The following TLE4 variants were observed in gnomAD, a reference collection of about 807,000 sequenced individuals.
TLE4 encodes transducin-like enhancer protein 4.
In TLE4, 8 loss-of-function variants were observed where a neutral mutation model predicts 92.8. That is an observed-to-expected ratio of 0.09 (90% CI 0.05 to 0.16). The LOEUF (loss-of-function observed/expected upper bound fraction) is 0.16. Among genes scored for constraint, TLE4 ranks in the 10% least tolerant of loss-of-function variants. The pLI is 1.00. For synonymous variants in TLE4, 371 were observed against 374.1 expected, an observed-to-expected ratio of 0.99 and a Z score of 0.10; for missense variants, 675 against 997.6, an observed-to-expected ratio of 0.68 and a Z score of 4.36.
chr9:79,721,702 A>C, intron 16 of TLE4, 39 bp from the exon 17 acceptor site: 1 of 1,613,218 alleles, frequency 6.2e-7, no homozygotes, highest in Non-Finnish European at 8.5e-7. Flanking sequence ...ACTAAAAGCT[A>C]ACTTTTCAAG....
intron 10 of TLE4, among the ~76,000 whole-genome samples, 153 bp downstream of exon 10, chr9:79,706,095 A>G (rs923730212): frequency 6.6e-6 from 1 of 152,140 alleles, no homozygotes; most frequent in Non-Finnish European, 1.5e-5. Context: ...CCCTGGCTAG[A>G]GTACAGTATT....
intron 14 of TLE4, among the ~76,000 whole-genome samples, chr9:79,715,358 T>C (rs2074276831): frequency 1.3e-5 from 2 of 152,148 alleles, no homozygotes; most frequent in South Asian, 4.1e-4. Flanking sequence ...TTAGCCTTTT[T>C]CTCGGCCATC....
intron 8 of TLE4, among the ~76,000 whole-genome samples, chr9:79,669,072 C>T (rs1290436547): frequency 6.6e-6 from 1 of 152,144 alleles, no homozygotes; most frequent in African/African-American, 2.4e-5. Context: ...TTCCCTATCA[C>T]AAACCAAAAT....
intron 8 of TLE4, among the ~76,000 whole-genome samples, chr9:79,693,463 A>G (rs1227464941): frequency 6.6e-6 from 1 of 152,150 alleles, no homozygotes; most frequent in Non-Finnish European, 1.5e-5. Context: ...GCTCCTGGAT[A>G]CTTGCTTGTA....
At position 79,601,856 on chromosome 9, in the gene TLE4, C is replaced by T. The variant is rs537798115; in HGVS notation, c.253-10800C>T. 1.3e-4 allele frequency among the ~76,000 whole-genome samples: 20 copies of T among 152,242 alleles called. No individual in the cohort carries two copies. The East Asian group carries it at 3.9e-3, about 29-fold the overall frequency. The stretch of plus-strand genomic sequence containing the variant: ...ATTAACCTTAGAGTGGAAGGCATGT[C>T]GAAAGCCAATGAGCCAAAAGCTAGG... On this transcript the variant is annotated intron_variant, in intron 4 of 19. Coordinates refer to ENST00000376552, the MANE Select transcript of TLE4 (RefSeq NM_007005.6).
rs2071040288 is a variant in TLE4, at chr9:79,704,784, G to A, written c.611G>A (p.Ser204Asn). 1.9e-6 allele frequency: 3 copies of A among 1,613,440 alleles called. No homozygotes were observed. The highest frequency in any genetic ancestry group is 2.5e-6 in the Non-Finnish European group (3 of 1,179,838). The change falls in exon 9 of 20, where the codon AGC becomes AAC. Residue 204 changes from serine to asparagine, a missense_variant and splice_region_variant. Physicochemically the swap from Ser to Asn is conservative, Grantham distance 46. Coordinates refer to ENST00000376552, the MANE Select transcript of TLE4 (RefSeq NM_007005.6). ...DHQRDRDSIK[S>N]SSVSPSASFR... ...TGCTTCCTCTCCTTCTAATTCCAGA[G>A]CTCTTCAGTATCCCCATCAGCCAGT...
At chr9:79,581,080 T>G (rs1266028493) in intron 4 of TLE4, among the ~76,000 whole-genome samples, 1 of 152,238 alleles carries the variant, frequency 6.6e-6, no homozygotes, top group Non-Finnish European at 1.5e-5. Flanking sequence ...ATTCCACAAT[T>G]AATGTTAACG....
At chr9:79,720,361 T>G in intron 16 of TLE4, 68 bp downstream of exon 16, 1 of 1,542,790 alleles carries the variant, frequency 6.5e-7, no homozygotes, top group South Asian at 1.2e-5. Flanking sequence ...GCCAAAGTGC[T>G]GTGTATATAG....
At chr9:79,609,973 G>C (rs1177458696) in intron 4 of TLE4, among the ~76,000 whole-genome samples, 2 of 152,056 alleles carry the variant, frequency 1.3e-5, no homozygotes, top group Non-Finnish European at 2.9e-5. Context: ...AGAATTTCAA[G>C]TGGTCAGATG....
chr9:79,662,803 A>T (rs1299791208), intron 8 of TLE4, among the ~76,000 whole-genome samples: 1 of 152,204 alleles, frequency 6.6e-6, no homozygotes, highest in Non-Finnish European at 1.5e-5. Flanking sequence ...AATTCTCATT[A>T]GGCTTGAGCT....
intron 8 of TLE4, among the ~76,000 whole-genome samples, chr9:79,662,007 G>A (rs1454157936): frequency 5.3e-5 from 8 of 152,076 alleles, no homozygotes; most frequent in Non-Finnish European, 7.4e-5. Flanking sequence ...ATCCGCTCAC[G>A]TGCGGTCCAC....
intron 6 of TLE4, among the ~76,000 whole-genome samples, chr9:79,637,108 G>A (rs932214748): frequency 2.0e-5 from 2 of 101,672 alleles, no homozygotes; most frequent in Non-Finnish European, 3.8e-5. Flanking sequence ...TTATTTTGAC[G>A]TTAATGGAAT....
intron 5 of TLE4, among the ~76,000 whole-genome samples, chr9:79,627,089 T>G (rs1298517503): frequency 6.6e-6 from 1 of 152,140 alleles, no homozygotes; most frequent in Non-Finnish European, 1.5e-5. Flanking sequence ...GTGGTCCAAG[T>G]GTACCATAAC....
Position 79,572,542 on chromosome 9 carries a change from G to C in TLE4, c.-249G>C, listed in dbSNP as rs2036084617. The C allele has an allele frequency of 6.0e-6, 1 of 165,796 alleles. No homozygotes were observed. 10.3% of individuals were successfully genotyped at this position (165,796 alleles called of 1,614,324 possible). A position where few individuals can be genotyped will look rare whatever the true frequency, so the allele number is the denominator to read the frequency against. The stretch of plus-strand genomic sequence containing the variant: ...CGGAGCGTTGCCTTGGGAGACGCGC[G>C]CCGGACAATGCCCGCGGCGGGCCAG... On this transcript the variant is annotated 5_prime_UTR_variant, in exon 1 of 20. Transcript: ENST00000376552.
chr9:79,576,747 A>G (rs937990630), intron 4 of TLE4: 2 of 151,816 alleles, frequency 1.3e-5, no homozygotes, highest in African/African-American at 4.8e-5. Context: ...AATGAGCCTG[A>G]TAGGAGGATG....
chr9:79,600,150 T>A (rs1383119429), intron 4 of TLE4, among the ~76,000 whole-genome samples: 1 of 152,248 alleles, frequency 6.6e-6, no homozygotes, highest in Non-Finnish European at 1.5e-5. Flanking sequence ...TTAAATTGCC[T>A]ACAGAATTTA....
chr9:79,680,024 G>A (rs912383928), intron 8 of TLE4, among the ~76,000 whole-genome samples: 7 of 151,590 alleles, frequency 4.6e-5, no homozygotes, highest in Non-Finnish European at 8.8e-5. Context: ...CTGTAGCCTT[G>A]TAGTATAGTT....
intron 4 of TLE4, chr9:79,576,499 C>T (rs1387741860): frequency 5.4e-6 from 1 of 185,410 alleles, no homozygotes; most frequent in African/African-American, 2.3e-5. Flanking sequence ...TTGGGCATTG[C>T]AAACTTGTCT....
At chr9:79,688,638 T>C (rs1000738485) in intron 8 of TLE4, among the ~76,000 whole-genome samples, 1 of 151,740 alleles carries the variant, frequency 6.6e-6, no homozygotes, top group African/African-American at 2.4e-5. Flanking sequence ...CTTTGATGTT[T>C]ATACGATATT....
Sources: allele counts gnomAD v4.1 joint callset (sites outside exome capture counted in the v4.1 genomes callset), GRCh38; gene constraint gnomAD v4.1.1; transcripts MANE v1.5; gene names NCBI Gene and HGNC (gene_info 2026-07-23, HGNC 2026-07-21).